The following RNF20 variants were observed in gnomAD, a reference collection of about 807,000 sequenced individuals.
The protein encoded by RNF20 is ring finger protein 20, also known as E3 ubiquitin-protein ligase BRE1A.
Under a neutral mutation model 126.2 loss-of-function variants are expected in RNF20, and 84 were observed. The ratio of observed to expected loss-of-function variants is 0.67; its 90% CI spans 0.56 to 0.80. The LOEUF (loss-of-function observed/expected upper bound fraction) is 0.80. RNF20 is among the 30% of genes least tolerant of loss of function. The pLI, the probability that RNF20 is intolerant of heterozygous loss-of-function variation, is 0.00. For missense variants in RNF20, 869 were observed against 1,188.2 expected, an observed-to-expected ratio of 0.73 and a Z score of 3.95; for synonymous variants, 400 against 414.3, an observed-to-expected ratio of 0.97 and a Z score of 0.42.
In RNF20 at chr9:101,562,001, A is replaced by G; in HGVS notation, c.2741A>G (p.Lys914Arg). The change falls in exon 19 of 20, where the codon AAG (lysine) becomes AGG (arginine). Residue 914 changes from lysine (K) to arginine (R), a missense_variant. Coordinates refer to ENST00000389120, the MANE Select transcript of RNF20 (RefSeq NM_019592.7). The part of the protein sequence containing the change: ...KCDEILMEEI[K>R]DYKARLTCPC... ...GATGAGATTCTGATGGAAGAGATTA[A>G]GGATTACAAGGTTAGAAAAAATGCC... is the stretch of plus-strand genomic sequence containing the variant. The G allele has an allele frequency of 4.4e-6, 7 of 1,605,178 alleles. No homozygotes were observed. Among genetic ancestry groups the G allele is most frequent in the Non-Finnish European group, 6.0e-6 (7 of 1,176,048 alleles).
At position 101,540,956 on chromosome 9, in the gene RNF20, C is replaced by T. The variant is rs1827251730; in HGVS notation, c.609C>T (p.Ser203=). 1.9e-6 allele frequency: 3 copies of T among 1,613,946 alleles called. No homozygotes were observed. Among genetic ancestry groups the T allele is most frequent in the Non-Finnish European group, 2.5e-6 (3 of 1,179,900 alleles). The part of the protein sequence containing the change: ...DKLQEKVELL[S]RKLNSGDNLI... The stretch of plus-strand genomic sequence containing the variant: ...TGCAAGAAAAAGTGGAGCTCTTATC[C>T]CGGAAGCTAAACAGTGGAGGTGAGG... The change falls in exon 5 of 20, where the codon TCC becomes TCT. Residue 203 remains serine, a synonymous_variant. Transcript: ENST00000389120.
intron 7 of RNF20, 64 bp from the exon 8 acceptor site, chr9:101,547,073 G>A (rs1334765776): frequency 1.9e-5 from 31 of 1,602,212 alleles, no homozygotes; most frequent in Non-Finnish European, 2.5e-5. Flanking sequence ...TCCTTTGAAG[G>A]TACATTGGTT....
chr9:101,536,943 G>A (rs572084055), intron 2 of RNF20, among the ~76,000 whole-genome samples: 1 of 152,298 alleles, frequency 6.6e-6, no homozygotes, highest in Admixed American at 6.5e-5. Context: ...CGCTATAACT[G>A]CATCTCTCCA....
At chr9:101,557,316 G>T in intron 15 of RNF20, 68 bp from the exon 16 acceptor site, 1 of 1,185,334 alleles carries the variant, frequency 8.4e-7, no homozygotes, top group South Asian at 1.4e-5. Flanking sequence ...GGAAAATTTA[G>T]TTTCCTGTGC....
intron 11 of RNF20, 33 bp downstream of exon 11, chr9:101,551,852 C>T: frequency 1.3e-6 from 2 of 1,570,008 alleles, no homozygotes; most frequent in Middle Eastern, 1.7e-4. Context: ...CTGTAGTTTG[C>T]TCTTAATACC....
intron 2 of RNF20, among the ~76,000 whole-genome samples, chr9:101,537,530 C>T (rs1236948905): frequency 6.6e-6 from 1 of 152,112 alleles, no homozygotes; most frequent in Non-Finnish European, 1.5e-5. Context: ...ATTTGGGAAT[C>T]GTCATTTTGT....
chr9:101,545,936 G>T (rs1376738352), intron 6 of RNF20, among the ~76,000 whole-genome samples: 2 of 152,106 alleles, frequency 1.3e-5, no homozygotes, highest in Non-Finnish European at 2.9e-5. Context: ...TGTCTACTGG[G>T]ATACCTGCAG....
chr9:101,535,661 G>C, intron 2 of RNF20, 109 bp downstream of exon 2: 2 of 1,251,454 alleles, frequency 1.6e-6, no homozygotes, highest in Middle Eastern at 4.1e-4. Context: ...TTGAAAAGAA[G>C]AGGGAAATAA....
At chr9:101,550,825 G>C in intron 10 of RNF20, 40 bp downstream of exon 10, 1 of 1,587,570 alleles carries the variant, frequency 6.3e-7, no homozygotes, top group East Asian at 2.2e-5. Context: ...AAGCTTTCTT[G>C]CCTCCTAAAT....
At chr9:101,540,079 T>A in intron 2 of RNF20, 124 bp from the exon 3 acceptor site, 1 of 924,696 alleles carries the variant, frequency 1.1e-6, no homozygotes, top group Non-Finnish European at 1.6e-6. Flanking sequence ...ACTTGTAAGA[T>A]TTTTTAAAAG....
chr9:101,559,965 C>T (rs1437326200), intron 16 of RNF20, among the ~76,000 whole-genome samples: 2 of 152,080 alleles, frequency 1.3e-5, no homozygotes, highest in Admixed American at 1.3e-4. Flanking sequence ...AGAGTGGCAT[C>T]TGTGTCTTGT....
In RNF20 at chr9:101,552,612, A is replaced by G. The variant is rs2118717814; in HGVS notation, c.1760A>G (p.Glu587Gly). Residue 587 changes from glutamate to glycine, a missense_variant, in exon 13 of 20, where the codon GAG becomes GGG. By Grantham distance (98) the Glu-to-Gly change is moderately conservative (BLOSUM62 -2). This residue lies in a region of RNF20 where 231 missense variants were observed against 263.6 expected (regional missense o/e 0.88). Transcript: ENST00000389120. ...GAACGAGAAAGAGAACGGGAGAAGG[A>G]GAAGGAGAGAGAACGAGAGAAGCAG... ...EREREREREK[E>G]KEREREKQKL... The G allele has an allele frequency of 6.5e-7, 1 of 1,540,058 alleles. No individual in the cohort carries two copies.
At chr9:101,548,402 G>T (rs1400261809) in intron 9 of RNF20, among the ~76,000 whole-genome samples, 2 of 152,188 alleles carry the variant, frequency 1.3e-5, no homozygotes, top group Non-Finnish European at 2.9e-5. Context: ...GTGATGTGTA[G>T]CATGGTGACT....
intron 11 of RNF20, 144 bp downstream of exon 11, chr9:101,551,963 C>T: frequency 2.3e-6 from 3 of 1,287,402 alleles, no homozygotes; most frequent in Non-Finnish European, 3.2e-6. Context: ...TGGTTCACAG[C>T]CTGGATGTTT....
chr9:101,543,388 C>T (rs2118686862), intron 5 of RNF20, among the ~76,000 whole-genome samples: 1 of 147,360 alleles, frequency 6.8e-6, no homozygotes, highest in Middle Eastern at 4.0e-3. Context: ...ACTGTCTAAC[C>T]TGCCAGAGCG....
intron 18 of RNF20, 56 bp downstream of exon 18, chr9:101,561,286 G>A: frequency 6.4e-7 from 1 of 1,554,296 alleles, no homozygotes; most frequent in Non-Finnish European, 8.8e-7. Flanking sequence ...GGTCGGAAGT[G>A]ACCCATATCA....
At chr9:101,548,143 G>A (rs982170379) in intron 9 of RNF20, among the ~76,000 whole-genome samples, 1 of 152,122 alleles carries the variant, frequency 6.6e-6, no homozygotes, top group African/African-American at 2.4e-5. Context: ...AAGAAATGTG[G>A]TGTGTGTTTG....
intron 5 of RNF20, 84 bp downstream of exon 5, chr9:101,541,059 A>G: frequency 9.8e-7 from 1 of 1,025,494 alleles, no homozygotes; most frequent in Non-Finnish European, 1.4e-6. Context: ...TTGCAAGCTT[A>G]CATATTTATT....
chr9:101,547,366 T>C (rs1233405599), intron 8 of RNF20, 33 bp from the exon 9 acceptor site: 6 of 1,611,026 alleles, frequency 3.7e-6, no homozygotes, highest in Non-Finnish European at 5.1e-6. Context: ...AGAAGAATAC[T>C]TATTTATTCT....
Sources: allele counts gnomAD v4.1 joint callset (sites outside exome capture counted in the v4.1 genomes callset), GRCh38; gene constraint gnomAD v4.1.1; regional missense constraint gnomAD v4.1.1; transcripts MANE v1.5; gene names NCBI Gene and HGNC (gene_info 2026-07-23, HGNC 2026-07-21).